The following ADAMTSL3 variants were observed in gnomAD, a reference collection of about 807,000 sequenced individuals.
ADAMTSL3 encodes the protein ADAMTS like 3.
A neutral mutation model predicts 201.7 loss-of-function variants in ADAMTSL3; 128 were observed. The ratio of observed to expected loss-of-function variants is 0.63; its 90% CI spans 0.55 to 0.73. The LOEUF is 0.73. ADAMTSL3 is among the 30% of genes least tolerant of loss of function. The pLI is 0.00. For missense variants in ADAMTSL3, 1,990 were observed against 2,119.6 expected, an observed-to-expected ratio of 0.94 and a Z score of 1.20; for synonymous variants, 738 against 748.4, an observed-to-expected ratio of 0.99 and a Z score of 0.23.
At chr15:84,037,497 A>G (rs552483056) in intron 29 of ADAMTSL3, among the ~76,000 whole-genome samples, 2 of 152,350 alleles carry the variant, frequency 1.3e-5, no homozygotes, top group South Asian at 4.1e-4. Flanking sequence ...GGGAGGGTCC[A>G]GAGAGCAGCA....
chr15:83,834,414 T>C (rs1388848446), intron 6 of ADAMTSL3, among the ~76,000 whole-genome samples: 1 of 152,222 alleles, frequency 6.6e-6, no homozygotes, highest in African/African-American at 2.4e-5. Flanking sequence ...CTCTGATTTT[T>C]AAGGCAGAAA....
intron 6 of ADAMTSL3, among the ~76,000 whole-genome samples, chr15:83,823,904 CTT>C (rs1176831460): frequency 1.5e-4 from 5 of 32,796 alleles, no homozygotes; most frequent in African/African-American, 3.1e-4. Context: ...TCTTCTTCTT[CTT>C]CTTCTTCTTC....
At chr15:83,706,429 C>T (rs1436093408) in intron 3 of ADAMTSL3, among the ~76,000 whole-genome samples, 1 of 152,140 alleles carries the variant, frequency 6.6e-6, no homozygotes, top group African/African-American at 2.4e-5. Context: ...CATATGAAAA[C>T]ACTCTGTGTT....
intron 27 of ADAMTSL3, among the ~76,000 whole-genome samples, chr15:84,029,519 A>G (rs938855999): frequency 1.3e-5 from 2 of 152,234 alleles, no homozygotes; most frequent in Admixed American, 6.5e-5. Flanking sequence ...TCTTAAAAGC[A>G]TTCAGTTTTA....
chr15:83,805,863 G>C (rs1021682631), intron 5 of ADAMTSL3, among the ~76,000 whole-genome samples: 11 of 152,168 alleles, frequency 7.2e-5, no homozygotes, highest in Admixed American at 1.3e-4. Context: ...CATCTCCCCT[G>C]TAAGGTAAGC....
chr15:83,754,740 ATG>A (rs138594353), intron 3 of ADAMTSL3, among the ~76,000 whole-genome samples: 2,389 of 152,332 alleles, frequency 0.016, 33 homozygotes, highest in Non-Finnish European at 0.023. Context: ...ATTTAATTTT[ATG>A]TGAATTTAAT....
Position 83,966,422 on chromosome 15 carries a change from A to C in ADAMTSL3, c.2491-4062A>C, listed in dbSNP as rs145391992. Among the ~76,000 whole-genome samples, 1,141 of 152,330 alleles carry C rather than the reference A, an allele frequency of 7.5e-3. 11 individuals carry two copies. The highest frequency in any genetic ancestry group is 0.01 in the Non-Finnish European group (683 of 68,038). ...CACCTCTACGCAAATAAGCTAGAAA[A>C]TTTAGAAGAAATGGATAAATTCCTG... is the stretch of plus-strand genomic sequence containing the variant. On this transcript the variant is annotated intron_variant, in intron 19 of 29. Transcript: ENST00000286744.
chr15:83,870,722 C>G, intron 8 of ADAMTSL3, 80 bp from the exon 9 acceptor site: 1 of 1,187,706 alleles, frequency 8.4e-7, no homozygotes, highest in Non-Finnish European at 1.2e-6. Context: ...CATATACTGA[C>G]ATTGTATTTG....
chr15:83,932,808 T>A (rs7162549), intron 17 of ADAMTSL3, among the ~76,000 whole-genome samples: 4,337 of 152,224 alleles, frequency 0.028, 186 homozygotes, highest in African/African-American at 0.1. Flanking sequence ...ATAATCAAAA[T>A]TTTTTAAAAA....
chr15:83,671,681 C>T (rs189441703), intron 2 of ADAMTSL3, among the ~76,000 whole-genome samples: 25 of 152,246 alleles, frequency 1.6e-4, no homozygotes, highest in Middle Eastern at 6.8e-3. Flanking sequence ...CTGCTGTCCC[C>T]GACTCTTCTT....
At position 83,843,907 on chromosome 15, in the gene ADAMTSL3, C is replaced by T. The variant is rs575785455; in HGVS notation, c.727+5692C>T. Among the ~76,000 whole-genome samples, 121 of 152,208 alleles carry T rather than the reference C, an allele frequency of 7.9e-4. No homozygotes were observed. The South Asian group carries it at 0.022, about 28-fold the overall frequency. ...CTGTTCAGAGGGAGGAGGAGAGAGA[C>T]GGAACTGACAACCAACATAAACAGC... On this transcript the variant is annotated intron_variant, in intron 7 of 29. Coordinates refer to ENST00000286744, the MANE Select transcript of ADAMTSL3 (RefSeq NM_207517.3).
intron 6 of ADAMTSL3, among the ~76,000 whole-genome samples, chr15:83,825,136 C>T (rs1298095443): frequency 1.3e-5 from 2 of 151,734 alleles, no homozygotes; most frequent in African/African-American, 4.9e-5. Context: ...AAGGTCAAAG[C>T]TTACCATATA....
chr15:83,690,833 A>G (rs1014994559), intron 2 of ADAMTSL3, among the ~76,000 whole-genome samples: 3 of 152,230 alleles, frequency 2.0e-5, no homozygotes, highest in African/African-American at 7.2e-5. Flanking sequence ...CAATCGTAAT[A>G]TCATACATTT....
chr15:83,769,813 G>T (rs1230880576), intron 3 of ADAMTSL3, among the ~76,000 whole-genome samples: 7 of 149,932 alleles, frequency 4.7e-5, no homozygotes, highest in African/African-American at 1.7e-4. Flanking sequence ...GTTAGATGAG[G>T]TAACTTGCCT....
chr15:83,874,161 C>T (rs2065134621), intron 9 of ADAMTSL3, among the ~76,000 whole-genome samples: 1 of 138,874 alleles, frequency 7.2e-6, no homozygotes, highest in South Asian at 2.2e-4. Flanking sequence ...CTCCTGGCGC[C>T]AGGACAAAGG....
At chr15:83,864,875 A>G (rs2064941532) in intron 8 of ADAMTSL3, among the ~76,000 whole-genome samples, 1 of 152,234 alleles carries the variant, frequency 6.6e-6, no homozygotes, top group East Asian at 1.9e-4. Context: ...CCATCGTCTC[A>G]GCCCAAAATC....
At chr15:83,965,784 TAA>T (rs1038712124) in intron 19 of ADAMTSL3, among the ~76,000 whole-genome samples, 16 of 152,312 alleles carry the variant, frequency 1.1e-4, no homozygotes, top group African/African-American at 3.9e-4. Flanking sequence ...TACTTGGAAG[TAA>T]AACACTCCTC....
intron 16 of ADAMTSL3, 138 bp downstream of exon 16, chr15:83,913,516 A>ACTTTTTCTT: frequency 1.1e-6 from 1 of 932,140 alleles, no homozygotes; most frequent in South Asian, 1.8e-5. Context: ...TGAAAATGAT[A>ACTTTTTCTT]CTTTTTCTTC....
intron 2 of ADAMTSL3, among the ~76,000 whole-genome samples, chr15:83,662,430 G>C (rs1357086800): frequency 7.8e-6 from 1 of 128,826 alleles, no homozygotes; most frequent in Non-Finnish European, 1.6e-5. Context: ...TGGTGGGGTG[G>C]GGGGAGGGGG....
Sources: allele counts gnomAD v4.1 joint callset (sites outside exome capture counted in the v4.1 genomes callset), GRCh38; gene constraint gnomAD v4.1.1; transcripts MANE v1.5; gene names NCBI Gene and HGNC (gene_info 2026-07-23, HGNC 2026-07-21).